Variants in KCNN2 observed in about 807,000 individuals in gnomAD.
The protein encoded by KCNN2 is potassium calcium-activated channel subfamily N member 2.
KCNN2 carries 24 observed loss-of-function variants against 55.5 expected under a neutral mutation model. That is an observed-to-expected ratio of 0.43 (90% CI 0.31 to 0.61). The LOEUF (loss-of-function observed/expected upper bound fraction) is 0.61, where lower values mean the gene tolerates loss of function less well. Among genes scored for constraint, KCNN2 ranks in the 20% least tolerant of loss-of-function variants. The pLI, the probability that KCNN2 is intolerant of heterozygous loss-of-function variation, is 0.08. For synonymous variants in KCNN2, 431 were observed against 336.1 expected, an observed-to-expected ratio of 1.28 and a Z score of -3.09; for missense variants, 754 against 853.6, an observed-to-expected ratio of 0.88 and a Z score of 1.45.
chr5:114,436,991 A>G (rs1580833676), intron 3 of KCNN2, among the ~76,000 whole-genome samples: 1 of 152,002 alleles, frequency 6.6e-6, no homozygotes, highest in Non-Finnish European at 1.5e-5. Context: ...GCACAGATTT[A>G]GGTTTTATTT....
intron 2 of KCNN2, among the ~76,000 whole-genome samples, chr5:114,328,608 G>A (rs547576301): frequency 6.6e-6 from 1 of 152,282 alleles, no homozygotes; most frequent in African/African-American, 2.4e-5. Flanking sequence ...TTGTTTATAG[G>A]TATGATCCGG....
intron 2 of KCNN2, among the ~76,000 whole-genome samples, chr5:114,243,722 A>T (rs1754691069): frequency 6.6e-6 from 1 of 152,204 alleles, no homozygotes; most frequent in African/African-American, 2.4e-5. Flanking sequence ...TGTATAGGAA[A>T]AACATAGTAT....
intron 3 of KCNN2, among the ~76,000 whole-genome samples, chr5:114,406,945 C>T (rs2150072330): frequency 6.6e-6 from 1 of 152,210 alleles, no homozygotes; most frequent in African/African-American, 2.4e-5. Flanking sequence ...ATATAAAACT[C>T]TAGATTGGAA....
chr5:114,106,677 T>C (rs1237176456), intron 1 of KCNN2, among the ~76,000 whole-genome samples: 2 of 151,104 alleles, frequency 1.3e-5, no homozygotes, highest in Non-Finnish European at 3.0e-5. Context: ...TGGATGTCTT[T>C]TTGTGTGTGT....
intron 1 of KCNN2, among the ~76,000 whole-genome samples, chr5:114,154,375 G>T (rs1044269443): frequency 2.0e-5 from 3 of 152,084 alleles, no homozygotes; most frequent in Admixed American, 2.0e-4. Flanking sequence ...TATTATTGAA[G>T]CTGCTCTAGG....
At chr5:114,474,596 G>T (rs1761887776) in intron 5 of KCNN2, among the ~76,000 whole-genome samples, 1 of 152,256 alleles carries the variant, frequency 6.6e-6, no homozygotes, top group South Asian at 2.1e-4. Flanking sequence ...ATAAAAATAT[G>T]TGCATATGAG....
At chr5:114,156,759 CT>C (rs1029237781) in intron 1 of KCNN2, among the ~76,000 whole-genome samples, 3 of 151,892 alleles carry the variant, frequency 2.0e-5, no homozygotes, top group Admixed American at 6.6e-5. Context: ...AGTTGTTTCT[CT>C]TTTTTTTCCT....
chr5:114,345,554 C>T (rs182831719), intron 2 of KCNN2, among the ~76,000 whole-genome samples: 4 of 152,244 alleles, frequency 2.6e-5, no homozygotes, highest in Non-Finnish European at 5.9e-5. Context: ...AGCTGCATTA[C>T]AGATAAGAAC....
chr5:114,342,714 C>G (rs564782275), intron 2 of KCNN2, among the ~76,000 whole-genome samples: 2 of 152,238 alleles, frequency 1.3e-5, no homozygotes, highest in African/African-American at 4.8e-5. Flanking sequence ...TCTTTCTTAA[C>G]AGACTGTGGT....
chr5:114,310,202 G>A (rs1124188), intron 2 of KCNN2, among the ~76,000 whole-genome samples: 48,576 of 151,910 alleles, frequency 0.32, 8,689 homozygotes, highest in East Asian at 0.81. Context: ...TTCTGTGTTT[G>A]CATACCAACA....
intron 5 of KCNN2, among the ~76,000 whole-genome samples, chr5:114,480,052 C>T (rs1266259816): frequency 1.3e-5 from 2 of 151,254 alleles, no homozygotes; most frequent in African/African-American, 4.9e-5. Context: ...ACAAATAACC[C>T]TTCAAAAAAA....
rs552208791 is a variant in KCNN2, at chr5:114,289,031, G to A, written c.-185+67466G>A. On this transcript the variant is annotated intron_variant, in intron 2 of 10. Coordinates refer to the KCNN2 transcript ENST00000512097. Reference sequence around the variant, plus strand: ...TCTTGCGTTAATTTGTGCAGATGGCGTAGAGGCACAACTTCATTCCCTTGA... The same window carrying A: ...TCTTGCGTTAATTTGTGCAGATGGCATAGAGGCACAACTTCATTCCCTTGA... Among the ~76,000 whole-genome samples the A allele has an allele frequency of 9.2e-5, 14 of 152,162 alleles. No individual in the cohort carries two copies. In the South Asian group the frequency reaches 1.7e-3, roughly 18 times the overall value.
rs758865924 is a variant in KCNN2 at position 114,493,483 on chromosome 5, G to A, written c.2088+11G>A. Reference sequence around the variant, plus strand: ...GTGGACTTGGCAAAGGTAAGCCTGAGGTGCTTAGCCCTCCTAGTTGCATCT... The same window carrying A: ...GTGGACTTGGCAAAGGTAAGCCTGAAGTGCTTAGCCCTCCTAGTTGCATCT... On this transcript the variant is annotated intron_variant, in intron 7 of 7. Coordinates refer to ENST00000673685, the MANE Select transcript of KCNN2 (RefSeq NM_021614.4). 2 of 1,595,408 alleles carry A rather than the reference G, an allele frequency of 1.3e-6. No individual in the cohort carries two copies. Among genetic ancestry groups the A allele is most frequent in the Non-Finnish European group, 1.7e-6 (2 of 1,163,218 alleles).
intron 2 of KCNN2, among the ~76,000 whole-genome samples, chr5:114,279,277 T>A (rs1235363081): frequency 6.6e-6 from 1 of 152,098 alleles, no homozygotes; most frequent in Non-Finnish European, 1.5e-5. Context: ...TCTTTATCAC[T>A]ACTCCTTAAT....
intron 2 of KCNN2, among the ~76,000 whole-genome samples, chr5:114,288,303 T>C (rs1256503162): frequency 6.6e-6 from 1 of 152,222 alleles, no homozygotes; most frequent in Non-Finnish European, 1.5e-5. Flanking sequence ...TGTTTACATG[T>C]AATTGTTTGA....
rs550405843 is a variant in KCNN2, at chr5:114,151,758, G to A, written c.-270-69722G>A. On this transcript the variant is annotated intron_variant, in intron 1 of 10. Coordinates refer to the KCNN2 transcript ENST00000512097. ...TAAGGTAGAGAGATGTATTTCCAAG[G>A]AGTTATCCTGATGTTTGACTTTGGA... Among the ~76,000 whole-genome samples, 249 of 152,066 alleles carry A rather than the reference G, an allele frequency of 1.6e-3. 3 individuals carry two copies. In the Middle Eastern group the frequency reaches 0.017, roughly 10 times the overall value.
Position 114,137,420 on chromosome 5 carries a change from A to G in KCNN2, c.-271+80920A>G, listed in dbSNP as rs889478012. ...TATATACTTAGTCCTTCATGCACAC[A>G]TCACAGGGGGAGGATATCATAGTCA... On this transcript the variant is annotated intron_variant, in intron 1 of 10. Transcript: ENST00000512097. Among the ~76,000 whole-genome samples, 8 of 152,284 alleles carry G rather than the reference A, an allele frequency of 5.3e-5. No individual in the cohort carries two copies. The South Asian group carries it at 1.4e-3, about 28-fold the overall frequency.
chr5:114,100,033 C>A (rs1751342851), intron 1 of KCNN2, among the ~76,000 whole-genome samples: 1 of 151,868 alleles, frequency 6.6e-6, no homozygotes, highest in Non-Finnish European at 1.5e-5. Context: ...ATTTAAACAT[C>A]TCTATAAATC....
intron 3 of KCNN2, among the ~76,000 whole-genome samples, chr5:114,452,774 C>A (rs972809410): frequency 6.6e-6 from 1 of 152,166 alleles, no homozygotes; most frequent in Non-Finnish European, 1.5e-5. Context: ...TGAATAGCTA[C>A]GTGTGAATAT....
Sources: allele counts gnomAD v4.1 joint callset (sites outside exome capture counted in the v4.1 genomes callset), GRCh38; gene constraint gnomAD v4.1.1; transcripts MANE v1.5; gene names NCBI Gene and HGNC (gene_info 2026-07-23, HGNC 2026-07-21).